NBEA: variants seen among roughly 807,000 people sequenced by gnomAD.
The protein encoded by NBEA is lysosomal-trafficking regulator 2.
NBEA carries 44 observed loss-of-function variants against 343.4 expected under a neutral mutation model. The observed-to-expected ratio is 0.13, with a 90% CI of 0.10 to 0.16. The LOEUF is 0.16. Among genes scored for constraint, NBEA ranks in the 10% least tolerant of loss-of-function variants. The probability of loss-of-function intolerance (pLI) is 1.00; values close to 1 mark genes in which losing one functional copy is unlikely to be tolerated. For synonymous variants in NBEA, 1,175 were observed against 1,238.7 expected, an observed-to-expected ratio of 0.95 and a Z score of 1.08; for missense variants, 2,555 against 3,631.3, an observed-to-expected ratio of 0.70 and a Z score of 7.62.
chr13:35,193,696 T>C (rs1566438267), intron 30 of NBEA, among the ~76,000 whole-genome samples: 1 of 151,952 alleles, frequency 6.6e-6, no homozygotes, highest in Non-Finnish European at 1.5e-5. Flanking sequence ...ATTTTAATTT[T>C]TAATCTTGGA....
At chr13:35,197,315 A>G (rs2072686707) in intron 31 of NBEA, among the ~76,000 whole-genome samples, 1 of 152,154 alleles carries the variant, frequency 6.6e-6, no homozygotes, top group Non-Finnish European at 1.5e-5. Context: ...ATTGACAAGC[A>G]AGTGTTTTTT....
intron 39 of NBEA, among the ~76,000 whole-genome samples, chr13:35,436,178 C>T (rs969575967): frequency 2.6e-5 from 4 of 151,970 alleles, no homozygotes; most frequent in African/African-American, 7.2e-5. Context: ...AATAGCCTGA[C>T]GTCTGAATAT....
chr13:35,136,530 G>A (rs1293230511), intron 17 of NBEA, among the ~76,000 whole-genome samples: 1 of 152,110 alleles, frequency 6.6e-6, no homozygotes, highest in Non-Finnish European at 1.5e-5. Context: ...GACAGAGAAT[G>A]ATAACACTAA....
chr13:35,665,555 C>A (rs183285792), intron 56 of NBEA, among the ~76,000 whole-genome samples: 27 of 152,210 alleles, frequency 1.8e-4, no homozygotes, highest in African/African-American at 6.0e-4. Context: ...CTCTTCAAGT[C>A]CCTTTCTTTA....
At chr13:35,193,792 A>G (rs930564597) in intron 30 of NBEA, among the ~76,000 whole-genome samples, 2 of 151,936 alleles carry the variant, frequency 1.3e-5, no homozygotes, top group Admixed American at 6.6e-5. Flanking sequence ...AGATTAATCT[A>G]TTCTTTCAGT....
intron 36 of NBEA, among the ~76,000 whole-genome samples, chr13:35,328,577 A>G (rs1165293980): frequency 1.3e-5 from 2 of 151,976 alleles, no homozygotes; most frequent in African/African-American, 2.4e-5. Context: ...ATTATCATGC[A>G]TTGCATGCCT....
intron 33 of NBEA, among the ~76,000 whole-genome samples, chr13:35,214,454 C>T (rs949425941): frequency 2.0e-5 from 3 of 151,670 alleles, no homozygotes; most frequent in Non-Finnish European, 3.0e-5. Flanking sequence ...AACCATATCT[C>T]ATTTGGTTTT....
Position 35,579,698 on chromosome 13 carries a change from A to G in NBEA, c.7036-4200A>G, listed in dbSNP as rs189679686. ...GCACTGGAATAAACACATTTAAACA[A>G]TTATATTTACTATAGTATTTATCAG... On this transcript the variant is annotated intron_variant, in intron 45 of 58. Coordinates refer to ENST00000379939, the MANE Select transcript of NBEA (RefSeq NM_001385012.1). Among the ~76,000 whole-genome samples, 13 of 152,284 alleles carry G rather than the reference A, an allele frequency of 8.5e-5. No individual in the cohort carries two copies. The East Asian group carries it at 2.5e-3, about 29-fold the overall frequency.
chr13:35,638,760 T>A (rs1179913315), intron 49 of NBEA, among the ~76,000 whole-genome samples: 3 of 152,232 alleles, frequency 2.0e-5, no homozygotes, highest in Non-Finnish European at 4.4e-5. Flanking sequence ...GTGGAGAAAT[T>A]GAGTGAGCTT....
At chr13:35,272,046 C>T (rs2034204867) in intron 34 of NBEA, among the ~76,000 whole-genome samples, 1 of 152,130 alleles carries the variant, frequency 6.6e-6, no homozygotes, top group Non-Finnish European at 1.5e-5. Context: ...CCCCAAGACA[C>T]ATAATTGACA....
intron 10 of NBEA, among the ~76,000 whole-genome samples, chr13:35,085,386 C>T (rs76858133): frequency 0.11 from 16,137 of 151,950 alleles, 1,013 homozygotes; most frequent in African/African-American, 0.17. Flanking sequence ...TTATCCACCA[C>T]GATCAAGTTG....
At chr13:35,379,095 T>G (rs1373207637) in intron 38 of NBEA, among the ~76,000 whole-genome samples, 1 of 152,082 alleles carries the variant, frequency 6.6e-6, no homozygotes, top group African/African-American at 2.4e-5. Context: ...TTTTTTTTTT[T>G]ATGAATAGAG....
chr13:35,322,672 A>G (rs2038244623), intron 36 of NBEA, among the ~76,000 whole-genome samples: 1 of 152,170 alleles, frequency 6.6e-6, no homozygotes, highest in Non-Finnish European at 1.5e-5. Context: ...GTGAAACATG[A>G]CTTTTACAAA....
At chr13:35,178,877 A>G (rs2071108105) in intron 28 of NBEA, among the ~76,000 whole-genome samples, 1 of 151,532 alleles carries the variant, frequency 6.6e-6, no homozygotes, top group East Asian at 1.9e-4. Context: ...TCATCCTGAA[A>G]AAATGTGTTG....
chr13:35,663,679 A>AT (rs1011426442), intron 55 of NBEA, among the ~76,000 whole-genome samples: 64 of 151,610 alleles, frequency 4.2e-4, no homozygotes, highest in South Asian at 1.9e-3. Flanking sequence ...CTTTGAAACA[A>AT]TTTTTTTTTC....
chr13:35,570,521 A>G (rs1330834873), intron 45 of NBEA, among the ~76,000 whole-genome samples: 1 of 152,248 alleles, frequency 6.6e-6, no homozygotes, highest in African/African-American at 2.4e-5. Context: ...GTAGTTCTTC[A>G]TGCTGTGAAC....
intron 36 of NBEA, among the ~76,000 whole-genome samples, chr13:35,314,651 G>A (rs2037597767): frequency 6.6e-6 from 1 of 152,044 alleles, no homozygotes; most frequent in Non-Finnish European, 1.5e-5. Flanking sequence ...TAAGCTGTTA[G>A]ACAACAGGCA....
At chr13:35,493,246 C>G (rs1365414895) in intron 41 of NBEA, among the ~76,000 whole-genome samples, 2 of 151,846 alleles carry the variant, frequency 1.3e-5, no homozygotes, top group Non-Finnish European at 2.9e-5. Flanking sequence ...AGAGGGGTTG[C>G]TGGGATTTTG....
chr13:35,428,324 C>G (rs372398241), intron 38 of NBEA, among the ~76,000 whole-genome samples: 1 of 152,312 alleles, frequency 6.6e-6, no homozygotes. Flanking sequence ...GCTCTGCCGA[C>G]TTTCTCCTCT....
Sources: gnomAD v4.1 joint callset for allele counts (sites outside exome capture counted in the v4.1 genomes callset) on GRCh38, gnomAD v4.1.1 for gene constraint, MANE v1.5 for transcripts, NCBI Gene and HGNC (gene_info 2026-07-23, HGNC 2026-07-21) for gene names.